Variants in ZIM2 observed in about 807,000 individuals in gnomAD.
ZIM2 encodes the protein zinc finger protein 656.
In ZIM2, 14 loss-of-function variants were observed where a neutral mutation model predicts 38.6. That is an observed-to-expected ratio of 0.36 (90% CI 0.24 to 0.57). The LOEUF (loss-of-function observed/expected upper bound fraction) is 0.57. Among genes scored for constraint, ZIM2 ranks in the 20% least tolerant of loss-of-function variants. ZIM2 has a pLI of 0.81. For missense variants in ZIM2, 680 were observed against 695.1 expected (o/e 0.98, Z 0.24); for synonymous variants, 247 against 245.8 (o/e 1.00, Z -0.04).
chr19:56,808,500 T>C (rs981439875), intron 9 of ZIM2, among the ~76,000 whole-genome samples: 3 of 152,186 alleles, frequency 2.0e-5, no homozygotes, highest in Admixed American at 2.0e-4. Context: ...AAAACTGCCC[T>C]TTCTGTGGTT....
At chr19:56,817,860 T>C (rs764943202) in intron 8 of ZIM2, 22 bp from the exon 9 acceptor site, 18 of 1,595,106 alleles carry the variant, frequency 1.1e-5, no homozygotes, top group Non-Finnish European at 1.5e-5. Flanking sequence ...GACAATATGA[T>C]GCCTCAAATT....
chr19:56,828,658 A>G (rs1283498959), intron 2 of ZIM2, among the ~76,000 whole-genome samples: 1 of 152,204 alleles, frequency 6.6e-6, no homozygotes, highest in Admixed American at 6.5e-5. Context: ...GGGGAAAAGT[A>G]TTTTATAACA....
rs757214529 is a variant in ZIM2, at chr19:56,824,365, G to T, written c.-88C>A. 1.2e-6 allele frequency: 2 copies of T among 1,614,186 alleles called. No homozygotes were observed. Among genetic ancestry groups the T allele is most frequent in the East Asian group, 4.5e-5 (2 of 44,852 alleles). ...CCCAAGGCTTGAGCTTTTCAGGGATGATGGTCAGGTACTGCTCAAGGACCA... is the reference window on the plus strand; with the variant it reads ...CCCAAGGCTTGAGCTTTTCAGGGATTATGGTCAGGTACTGCTCAAGGACCA... On this transcript the variant is annotated 5_prime_UTR_variant, in exon 4 of 13. Transcript: ENST00000629319.
chr19:56,816,870 C>G, intron 9 of ZIM2: 1 of 1,614,148 alleles, frequency 6.2e-7, no homozygotes, highest in Non-Finnish European at 8.5e-7. Flanking sequence ...CATGAATCTT[C>G]CGATGTTCAG....
chr19:56,821,781 A>C lies in ZIM2; in HGVS notation c.191-27T>G, dbSNP rs370666698. On this transcript the variant is annotated intron_variant, in intron 6 of 12. Transcript: ENST00000629319. The stretch of plus-strand genomic sequence containing the variant: ...TGGGAAGAAAAAAGGCATCAACAAG[A>C]AGCAGGGCCCAGTCCATCCTGCAGG... The C allele has an allele frequency of 1.9e-5, 31 of 1,612,404 alleles. No homozygotes were observed. In the African/African-American group the frequency reaches 3.5e-4, roughly 18 times the overall value.
chr19:56,808,494 C>G (rs1050430269), intron 9 of ZIM2, among the ~76,000 whole-genome samples: 1 of 152,140 alleles, frequency 6.6e-6, no homozygotes, highest in African/African-American at 2.4e-5. Context: ...GGCTACAAAA[C>G]TGCCCTTTCT....
intron 3 of ZIM2, 73 bp from the exon 4 acceptor site, chr19:56,824,500 T>A: frequency 6.2e-7 from 1 of 1,614,068 alleles, no homozygotes. Context: ...CCACATAGAT[T>A]AGGTTCCGAA....
chr19:56,777,659 G>A (rs2046092604), intron 12 of ZIM2, among the ~76,000 whole-genome samples: 2 of 152,198 alleles, frequency 1.3e-5, no homozygotes, highest in Admixed American at 1.3e-4. Context: ...TGTGGCTTGT[G>A]TGACTGAGGA....
rs2059777264 is a variant in ZIM2, at chr19:56,814,334, C to G, written c.490+3412G>C. ...ACATTGGCTTCAACTTCCTGGGCTG[C>G]TGCTGCTGCAGCTGCTGCTGCTTCA... is the stretch of plus-strand genomic sequence containing the variant. On this transcript the variant is annotated intron_variant, in intron 9 of 12. Transcript: ENST00000629319. The surrounding 1 kb of genome is among the most constrained non-coding windows in gnomAD (Gnocchi z 5.8). The G allele has an allele frequency of 1.9e-6, 3 of 1,613,456 alleles. No individual in the cohort carries two copies. Among genetic ancestry groups the G allele is most frequent in the East Asian group, 4.5e-5 (2 of 44,864 alleles).
chr19:56,790,874 T>C (rs1283649273), intron 9 of ZIM2, among the ~76,000 whole-genome samples: 2 of 152,140 alleles, frequency 1.3e-5, no homozygotes, highest in African/African-American at 4.8e-5. Flanking sequence ...ACAGTAGGTA[T>C]TTTTTTGGTA....
chr19:56,800,183 A>C (rs2047441463), intron 9 of ZIM2, among the ~76,000 whole-genome samples: 2 of 152,152 alleles, frequency 1.3e-5, no homozygotes, highest in Admixed American at 1.3e-4. Flanking sequence ...GATGTATGTA[A>C]ATTTGACCTC....
intron 9 of ZIM2, chr19:56,793,354 T>G (rs2047036999): frequency 6.6e-6 from 1 of 152,592 alleles, no homozygotes. Context: ...CCCTGTCACA[T>G]CCAGCATCTC....
Position 56,776,555 on chromosome 19 carries a change from A to C in ZIM2, c.836-1026T>G, listed in dbSNP as rs113267921. On this transcript the variant is annotated intron_variant, in intron 12 of 12. Transcript: ENST00000629319. ...GAAACACTGGAGCAAACAGGTCAACAACCTCTTGTTCAGAATTAAACAAAG... is the reference window on the plus strand; with the variant it reads ...GAAACACTGGAGCAAACAGGTCAACCACCTCTTGTTCAGAATTAAACAAAG... 5.6e-3 allele frequency among the ~76,000 whole-genome samples: 855 copies of C among 152,310 alleles called. 6 individuals are homozygous for C. The highest frequency in any genetic ancestry group is 0.02 in the African/African-American group (817 of 41,556).
chr19:56,835,361 A>G (rs1285139310), intron 2 of ZIM2, among the ~76,000 whole-genome samples: 2 of 152,092 alleles, frequency 1.3e-5, no homozygotes, highest in African/African-American at 2.4e-5. Context: ...ATCAGATGCC[A>G]CTCAACGATT....
At chr19:56,825,413 T>A (rs1266686974) in intron 3 of ZIM2, among the ~76,000 whole-genome samples, 1 of 152,276 alleles carries the variant, frequency 6.6e-6, no homozygotes, top group South Asian at 2.1e-4. Context: ...AAAGGTCTAA[T>A]CTGTCTAAAA....
At position 56,817,821 on chromosome 19, in the gene ZIM2, C is replaced by T. The variant is rs760585742; in HGVS notation, c.415G>A (p.Asp139Asn). 2 of 1,614,024 alleles carry T rather than the reference C, an allele frequency of 1.2e-6. No individual in the cohort carries two copies. Among genetic ancestry groups the T allele is most frequent in the Admixed American group, 3.3e-5 (2 of 60,002 alleles). Reference sequence around the variant, plus strand: ...TGCGTCATGTGGGAGTGGCCATCGTCTTCAGCAAGCTGCACTCCTGGTCAC... The same window carrying T: ...TGCGTCATGTGGGAGTGGCCATCGTTTTCAGCAAGCTGCACTCCTGGTCAC... Reference protein sequence around the residue: ...LLSLGVQLAEDDGHSHMTQGH... With the variant: ...LLSLGVQLAENDGHSHMTQGH... The change falls in exon 9 of 13, where the codon GAC becomes AAC. Residue 139 changes from aspartate (D) to asparagine (N), a missense_variant. Asp to Asn is a conservative substitution (Grantham distance 23). Coordinates refer to ENST00000629319, the MANE Select transcript of ZIM2 (RefSeq NM_001387356.1).
At position 56,814,333 on chromosome 19, in the gene ZIM2, G is replaced by A. The variant is rs2059776702; in HGVS notation, c.490+3413C>T. On this transcript the variant is annotated intron_variant, in intron 9 of 12. Coordinates refer to ENST00000629319, the MANE Select transcript of ZIM2 (RefSeq NM_001387356.1). The surrounding 1 kb of genome is among the most constrained non-coding windows in gnomAD (Gnocchi z 5.8). ...GACATTGGCTTCAACTTCCTGGGCT[G>A]CTGCTGCTGCAGCTGCTGCTGCTTC... 3 of 1,613,366 alleles carry A rather than the reference G, an allele frequency of 1.9e-6. No homozygotes were observed. Among genetic ancestry groups the A allele is most frequent in the East Asian group, 4.5e-5 (2 of 44,860 alleles).
Position 56,775,255 on chromosome 19 carries a change from C to T in ZIM2, c.1110G>A (p.Thr370=), listed in dbSNP as rs572967636. 1.7e-5 allele frequency: 27 copies of T among 1,614,144 alleles called. No homozygotes were observed. Among genetic ancestry groups the T allele is most frequent in the Admixed American group, 1.5e-4 (9 of 60,028 alleles). The change falls in exon 13 of 13, where the codon ACG becomes ACA. Residue 370 remains threonine, a synonymous_variant. Transcript: ENST00000629319. ...RCEFCKRTFS[T]QVALRRHERI... is the part of the protein sequence containing the mutation. ...GTTCGTGTCTCCTAAGGGCTACTTG[C>T]GTACTAAAGGTTCGTTTGCAAAATT...
rs572444111 is a variant in ZIM2, at chr19:56,814,359, ATCTTCT to A, written c.490+3381_490+3386del. 27 of 1,613,174 alleles carry A rather than the reference ATCTTCT, an allele frequency of 1.7e-5. No homozygotes were observed. The highest frequency in any genetic ancestry group is 2.1e-5 in the Non-Finnish European group (25 of 1,179,272). ...CTGCTGCTGCAGCTGCTGCTGCTTC[ATCTTCT>A]TCTTCTTCTTCCAGATGAAGCTCCT... On this transcript the variant is annotated intron_variant, in intron 9 of 12. Transcript: ENST00000629319. This position sits in a 1 kb window ranked among gnomAD's most constrained non-coding sequence, Gnocchi z 5.8.
Sources: allele counts gnomAD v4.1 joint callset (sites outside exome capture counted in the v4.1 genomes callset), GRCh38; gene constraint gnomAD v4.1.1; non-coding constraint Gnocchi (gnomAD v3.1); transcripts MANE v1.5; gene names NCBI Gene and HGNC (gene_info 2026-07-23, HGNC 2026-07-21).